SLC9A9: variants seen among roughly 807,000 people sequenced by gnomAD.
The protein encoded by SLC9A9 is sodium/hydrogen exchanger 9.
A neutral mutation model predicts 77.8 loss-of-function variants in SLC9A9; 62 were observed. The ratio of observed to expected loss-of-function variants is 0.80; its 90% CI spans 0.65 to 0.98. The LOEUF is 0.98. Among genes scored for constraint, SLC9A9 ranks in the 50% least tolerant of loss-of-function variants. SLC9A9 has a pLI of 0.00. For synonymous variants in SLC9A9, 320 were observed against 283.5 expected, an observed-to-expected ratio of 1.13 and a Z score of -1.29; for missense variants, 775 against 774.9, an observed-to-expected ratio of 1.00 and a Z score of 0.00.
At chr3:143,660,126 G>A (rs1018453606) in intron 5 of SLC9A9, among the ~76,000 whole-genome samples, 1 of 152,182 alleles carries the variant, frequency 6.6e-6, no homozygotes, top group African/African-American at 2.4e-5. Flanking sequence ...TATCAGCAGC[G>A]TGAGAACAGA....
chr3:143,478,067 C>T (rs1576524273), intron 11 of SLC9A9, among the ~76,000 whole-genome samples: 1 of 152,184 alleles, frequency 6.6e-6, no homozygotes, highest in East Asian at 1.9e-4. Context: ...CCCCAAGCCA[C>T]CCTAATCTAA....
intron 1 of SLC9A9, among the ~76,000 whole-genome samples, chr3:143,846,311 CA>C (rs1378209240): frequency 1.3e-5 from 2 of 152,194 alleles, no homozygotes; most frequent in African/African-American, 4.8e-5. Flanking sequence ...TGCTAAAGCA[CA>C]TATGTCCCTT....
Position 143,265,651 on chromosome 3 carries a change from A to ATGT in SLC9A9, c.*1048_*1050dup. The ATGT allele has an allele frequency of 2.6e-6, 1 of 391,814 alleles. No individual in the cohort carries two copies. The highest frequency in any genetic ancestry group is 4.5e-6 in the Non-Finnish European group (1 of 222,420). The allele number at this position is 391,814 out of a possible 1,614,324, so 24.3% of individuals were successfully genotyped here. On this transcript the variant is annotated 3_prime_UTR_variant, in exon 16 of 16. Transcript: ENST00000316549. ...TCATGCAGCTGAATTAAAAGCTATC[A>ATGT]TGTTGGTCTCTGGAATGCAGGCCAT...
At chr3:143,846,507 CTGATTG>C (rs1410650359) in intron 1 of SLC9A9, among the ~76,000 whole-genome samples, 30 of 152,120 alleles carry the variant, frequency 2.0e-4, no homozygotes, top group African/African-American at 7.0e-4. Context: ...TCTCTCCCAC[CTGATTG>C]TGATTTTTTT....
chr3:143,423,231 G>A (rs1247930264), intron 12 of SLC9A9, among the ~76,000 whole-genome samples: 2 of 134,360 alleles, frequency 1.5e-5, no homozygotes, highest in African/African-American at 2.7e-5. Flanking sequence ...ACACACACAC[G>A]TGTACACACG....
chr3:143,773,311 C>A (rs1301165700), intron 4 of SLC9A9, among the ~76,000 whole-genome samples: 4 of 151,978 alleles, frequency 2.6e-5, no homozygotes, highest in Non-Finnish European at 4.4e-5. Context: ...TTCAGTAGCA[C>A]ATTCTTAAGT....
chr3:143,608,781 G>A (rs961983446), intron 6 of SLC9A9, among the ~76,000 whole-genome samples: 14 of 152,106 alleles, frequency 9.2e-5, no homozygotes, highest in Non-Finnish European at 2.1e-4. Context: ...GTTAAGATGT[G>A]GTTACCTGTG....
At chr3:143,636,093 T>C (rs757477234) in intron 6 of SLC9A9, among the ~76,000 whole-genome samples, 3 of 152,194 alleles carry the variant, frequency 2.0e-5, no homozygotes, top group Non-Finnish European at 4.4e-5. Flanking sequence ...AGATATAGTT[T>C]ACTTGTGGGA....
chr3:143,395,578 A>G (rs965688543), intron 12 of SLC9A9, among the ~76,000 whole-genome samples: 2 of 152,256 alleles, frequency 1.3e-5, no homozygotes, highest in Admixed American at 6.5e-5. Context: ...CAATGGCAAC[A>G]AAAGCCAAAA....
At chr3:143,497,518 C>T (rs2035855793) in intron 9 of SLC9A9, among the ~76,000 whole-genome samples, 1 of 152,142 alleles carries the variant, frequency 6.6e-6, no homozygotes, top group Non-Finnish European at 1.5e-5. Context: ...GAGACAAAGG[C>T]CCCCACCTTT....
chr3:143,289,031 ATGAC>A (rs1938459166), intron 14 of SLC9A9, among the ~76,000 whole-genome samples: 1 of 152,178 alleles, frequency 6.6e-6, no homozygotes, highest in Admixed American at 6.6e-5. Flanking sequence ...GAGCTTGTGA[ATGAC>A]TGAGAGCATC....
chr3:143,665,468 C>T (rs531244880), intron 5 of SLC9A9, among the ~76,000 whole-genome samples: 1 of 151,656 alleles, frequency 6.6e-6, no homozygotes, highest in Non-Finnish European at 1.5e-5. Flanking sequence ...TAGCAGAAGG[C>T]AATAAATAAA....
Position 143,342,090 on chromosome 3 carries a change from A to C in SLC9A9, c.1604+21394T>G, listed in dbSNP as rs568519296. ...GTAGGAGGCAAAGGTGGAAACGTGG[A>C]AACTATGGTTATAAGGTTCATACTT... On this transcript the variant is annotated intron_variant, in intron 14 of 15. Coordinates refer to ENST00000316549, the MANE Select transcript of SLC9A9 (RefSeq NM_173653.4). Among the ~76,000 whole-genome samples, 51 of 152,322 alleles carry C rather than the reference A, an allele frequency of 3.3e-4. 2 individuals are homozygous for C. The highest frequency in any genetic ancestry group is 1.2e-3 in the African/African-American group (48 of 41,572).
intron 14 of SLC9A9, among the ~76,000 whole-genome samples, chr3:143,361,413 A>G (rs1359195079): frequency 6.6e-6 from 1 of 152,174 alleles, no homozygotes; most frequent in Non-Finnish European, 1.5e-5. Flanking sequence ...GCATAGCCTA[A>G]CTTATGAAGT....
intron 4 of SLC9A9, among the ~76,000 whole-genome samples, chr3:143,768,661 A>G (rs953745023): frequency 1.3e-5 from 2 of 152,192 alleles, no homozygotes; most frequent in Admixed American, 1.3e-4. Flanking sequence ...TATATGCATA[A>G]TAGGTACCTA....
intron 9 of SLC9A9, among the ~76,000 whole-genome samples, chr3:143,530,304 TG>T (rs1414825749): frequency 1.3e-5 from 2 of 152,164 alleles, no homozygotes; most frequent in Non-Finnish European, 2.9e-5. Flanking sequence ...AATTGAATCA[TG>T]GGGGCTGTTT....
Position 143,722,523 on chromosome 3 carries a change from C to T in SLC9A9, c.534-29216G>A, listed in dbSNP as rs554602390. On this transcript the variant is annotated intron_variant, in intron 4 of 15. Transcript: ENST00000316549. Reference sequence around the variant, plus strand: ...CATCATTATCAATAGAAATTGATGGCGCACCCTAAGGAGAAGTCACTGTAC... The same window carrying T: ...CATCATTATCAATAGAAATTGATGGTGCACCCTAAGGAGAAGTCACTGTAC... 8.5e-5 allele frequency among the ~76,000 whole-genome samples: 12 copies of T among 141,912 alleles called. No homozygotes were observed. The South Asian group carries it at 1.6e-3, about 19-fold the overall frequency. The allele number at this position is 141,912 out of a possible 152,430, so 93.1% of individuals were successfully genotyped here.
chr3:143,388,115 T>C (rs1380521042), intron 12 of SLC9A9, among the ~76,000 whole-genome samples: 1 of 152,050 alleles, frequency 6.6e-6, no homozygotes, highest in Non-Finnish European at 1.5e-5. Context: ...ATTGAGCACA[T>C]AAATACAGCT....
At chr3:143,420,082 GT>G (rs1452067766) in intron 12 of SLC9A9, among the ~76,000 whole-genome samples, 1 of 152,224 alleles carries the variant, frequency 6.6e-6, no homozygotes, top group Non-Finnish European at 1.5e-5. Flanking sequence ...TCCTAGGTGT[GT>G]TTCTGGCCAT....
Sources: allele counts gnomAD v4.1 joint callset (sites outside exome capture counted in the v4.1 genomes callset), GRCh38; gene constraint gnomAD v4.1.1; transcripts MANE v1.5; gene names NCBI Gene and HGNC (gene_info 2026-07-23, HGNC 2026-07-21).